AGPAT5: variants seen among roughly 807,000 people sequenced by gnomAD.
The protein encoded by AGPAT5 is 1-acyl-sn-glycerol-3-phosphate acyltransferase epsilon.
A neutral mutation model predicts 45.6 loss-of-function variants in AGPAT5; 46 were observed. The ratio of observed to expected loss-of-function variants is 1.01; its 90% CI spans 0.80 to 1.29. The LOEUF is 1.29. AGPAT5 is among the 50% of genes most tolerant of loss of function. The probability of loss-of-function intolerance (pLI) is 0.00; values close to 1 mark genes in which losing one functional copy is unlikely to be tolerated. For missense variants in AGPAT5, 673 were observed against 450.7 expected, an observed-to-expected ratio of 1.49 and a Z score of -4.47; for synonymous variants, 272 against 167.0, an observed-to-expected ratio of 1.63 and a Z score of -4.85.
At chr8:6,737,086 C>T (rs746124265) in intron 4 of AGPAT5, among the ~76,000 whole-genome samples, 2 of 152,190 alleles carry the variant, frequency 1.3e-5, no homozygotes, top group Non-Finnish European at 2.9e-5. Flanking sequence ...TTATGGGCTA[C>T]GAGAATAGCC....
chr8:6,722,141 G>T (rs191030663), intron 1 of AGPAT5, among the ~76,000 whole-genome samples: 2 of 152,268 alleles, frequency 1.3e-5, no homozygotes, highest in East Asian at 3.9e-4. Context: ...TGCTATGCAG[G>T]TTTATTTTGC....
chr8:6,759,569 A>T lies in AGPAT5; in HGVS notation c.*2181A>T, dbSNP rs1436379194. ...ACAGCTTAGTTATTAATTTTTCTTTATAAGAATGCCGTCGATGTGCATGCT... is the reference window on the plus strand; with the variant it reads ...ACAGCTTAGTTATTAATTTTTCTTTTTAAGAATGCCGTCGATGTGCATGCT... On this transcript the variant is annotated 3_prime_UTR_variant, in exon 8 of 8. Coordinates refer to ENST00000285518, the MANE Select transcript of AGPAT5 (RefSeq NM_018361.5). 6.6e-6 allele frequency: 1 copy of T among 152,146 alleles called. No individual in the cohort carries two copies. The highest frequency in any genetic ancestry group is 1.5e-5 in the Non-Finnish European group (1 of 68,022). The allele number at this position is 152,146 out of a possible 1,614,324, so 9.4% of individuals were successfully genotyped here.
At chr8:6,752,590 A>G (rs1801690253) in intron 6 of AGPAT5, among the ~76,000 whole-genome samples, 1 of 152,196 alleles carries the variant, frequency 6.6e-6, no homozygotes, top group African/African-American at 2.4e-5. Flanking sequence ...TTTTGCAGCA[A>G]GTAGACCTGT....
intron 6 of AGPAT5, among the ~76,000 whole-genome samples, chr8:6,749,886 C>T (rs1460257924): frequency 6.6e-6 from 1 of 152,244 alleles, no homozygotes; most frequent in Non-Finnish European, 1.5e-5. Flanking sequence ...GTAAGGCCAG[C>T]CTCTGTTGCC....
chr8:6,755,058 C>T lies in AGPAT5; in HGVS notation c.753C>T (p.Leu251=). 6.3e-7 allele frequency: 1 copy of T among 1,583,918 alleles called. No homozygotes were observed. Among genetic ancestry groups the T allele is most frequent in the Non-Finnish European group, 8.6e-7 (1 of 1,168,372 alleles). ...RRESPTMTEF[L]CKECPKIHIH... is the part of the protein sequence containing the mutation. ...ATTTTTGTTCTTTGTTAGAATTTCT[C>T]TGCAAAGAATGTCCAAAAATTCATA... Residue 251 remains leucine, a synonymous_variant, in exon 7 of 8, where the codon CTC becomes CTT. Coordinates refer to ENST00000285518, the MANE Select transcript of AGPAT5 (RefSeq NM_018361.5).
chr8:6,724,510 C>T (rs1037407253), intron 1 of AGPAT5, among the ~76,000 whole-genome samples: 3 of 152,198 alleles, frequency 2.0e-5, no homozygotes, highest in African/African-American at 7.2e-5. Context: ...TGTCTCATTA[C>T]AGTTCCTGTG....
At chr8:6,722,706 G>A (rs989539657) in intron 1 of AGPAT5, among the ~76,000 whole-genome samples, 4 of 152,232 alleles carry the variant, frequency 2.6e-5, no homozygotes, top group Non-Finnish European at 2.9e-5. Flanking sequence ...CTGAAAGCCA[G>A]TGTGTGCAAG....
intron 1 of AGPAT5, among the ~76,000 whole-genome samples, chr8:6,721,799 T>G (rs1246499205): frequency 2.0e-5 from 3 of 152,110 alleles, no homozygotes; most frequent in Non-Finnish European, 4.4e-5. Context: ...GCATACACAT[T>G]TTTTTGACGT....
intron 1 of AGPAT5, 129 bp downstream of exon 1, chr8:6,709,016 C>T (rs1200683094): frequency 2.1e-5 from 18 of 857,250 alleles, no homozygotes; most frequent in Non-Finnish European, 3.2e-5. Context: ...GAGCACGTGC[C>T]GCCTCCCCGC....
rs1397643709 is a variant in AGPAT5 at position 6,759,319 on chromosome 8, C to G, written c.*1931C>G. The G allele has an allele frequency of 2.0e-5, 3 of 152,132 alleles. No individual in the cohort carries two copies. Among genetic ancestry groups the G allele is most frequent in the Non-Finnish European group, 2.9e-5 (2 of 68,028 alleles). The allele number at this position is 152,132 out of a possible 1,614,324, so 9.4% of individuals were successfully genotyped here. A position where few individuals can be genotyped will look rare whatever the true frequency, so the allele number is the denominator to read the frequency against. On this transcript the variant is annotated 3_prime_UTR_variant, in exon 8 of 8. Transcript: ENST00000285518. ...CAAGGTAGCCTGACCTGCATAAGAT[C>G]ACTTGAATGTTAGGTTTCATAGAAC...
At chr8:6,752,910 G>T (rs577161387) in intron 6 of AGPAT5, among the ~76,000 whole-genome samples, 3 of 152,058 alleles carry the variant, frequency 2.0e-5, no homozygotes, top group Non-Finnish European at 4.4e-5. Flanking sequence ...CCACTTTGTC[G>T]CATGCTCCTC....
At position 6,758,396 on chromosome 8, in the gene AGPAT5, T is replaced by C. The variant is rs896299121; in HGVS notation, c.*1008T>C. The C allele has an allele frequency of 2.6e-5, 4 of 152,694 alleles. No individual in the cohort carries two copies. Among genetic ancestry groups the C allele is most frequent in the Non-Finnish European group, 4.4e-5 (3 of 68,060 alleles). 9.5% of individuals were successfully genotyped at this position (152,694 alleles called of 1,614,324 possible). ...TTTCTGTAGTGTGGTGGATTCCCAC[T>C]GGGCTCTGGTCCTTCCCTTGGATCC... On this transcript the variant is annotated 3_prime_UTR_variant, in exon 8 of 8. Transcript: ENST00000285518.
chr8:6,732,177 A>AGTATT (rs10646552), intron 3 of AGPAT5, among the ~76,000 whole-genome samples: 113,733 of 151,450 alleles, frequency 0.75, 43,834 homozygotes, highest in African/African-American at 0.93. Context: ...AAAGATCGTG[A>AGTATT]GACATGTTAA....
chr8:6,759,225 G>C lies in AGPAT5; in HGVS notation c.*1837G>C, dbSNP rs1487228325. The C allele has an allele frequency of 6.6e-6, 1 of 152,100 alleles. No homozygotes were observed. Among genetic ancestry groups the C allele is most frequent in the African/African-American group, 2.4e-5 (1 of 41,410 alleles). The allele number at this position is 152,100 out of a possible 1,614,324, so 9.4% of individuals were successfully genotyped here. ...GGATTTAATATATTTTGAATATAAT[G>C]GGTATGTTCTAAATTTGAACTTTGA... is the stretch of plus-strand genomic sequence containing the variant. On this transcript the variant is annotated 3_prime_UTR_variant, in exon 8 of 8. Coordinates refer to ENST00000285518, the MANE Select transcript of AGPAT5 (RefSeq NM_018361.5).
At chr8:6,747,173 G>A (rs59852951) in intron 5 of AGPAT5, among the ~76,000 whole-genome samples, 3,610 of 152,300 alleles carry the variant, frequency 0.024, 144 homozygotes, top group African/African-American at 0.082. Context: ...TGTTCACACA[G>A]TGGAATACTA....
intron 2 of AGPAT5, among the ~76,000 whole-genome samples, chr8:6,726,057 A>G (rs1800676492): frequency 1.3e-5 from 2 of 152,264 alleles, no homozygotes; most frequent in South Asian, 4.1e-4. Flanking sequence ...ATCTTGATGT[A>G]TCTGAGTATT....
In AGPAT5 at chr8:6,708,726, G is replaced by C; in HGVS notation, c.58G>C (p.Val20Leu). 2 of 1,606,980 alleles carry C rather than the reference G, an allele frequency of 1.2e-6. No homozygotes were observed. Among genetic ancestry groups the C allele is most frequent in the Non-Finnish European group, 1.7e-6 (2 of 1,179,636 alleles). The part of the protein sequence containing the change: ...YSMRYLLPSV[V>L]LLGTAPTYVL... The stretch of plus-strand genomic sequence containing the variant: ...CATGCGCTACCTGCTGCCCAGCGTC[G>C]TGCTCCTGGGCACGGCGCCCACCTA... Residue 20 changes from valine to leucine, a missense_variant, in exon 1 of 8, where the codon GTG becomes CTG. By Grantham distance (32) the Val-to-Leu change is conservative. Transcript: ENST00000285518.
chr8:6,736,004 C>A (rs2116912934), intron 4 of AGPAT5, among the ~76,000 whole-genome samples: 1 of 152,106 alleles, frequency 6.6e-6, no homozygotes, highest in Non-Finnish European at 1.5e-5. Context: ...CAGGCGTGCA[C>A]CGCCATGCCC....
chr8:6,738,739 C>G (rs1801139937), intron 4 of AGPAT5, among the ~76,000 whole-genome samples: 2 of 152,118 alleles, frequency 1.3e-5, no homozygotes, highest in South Asian at 4.1e-4. Flanking sequence ...TTACCTTTTC[C>G]TATTTGTGAA....
Sources: gnomAD v4.1 joint callset for allele counts (sites outside exome capture counted in the v4.1 genomes callset) on GRCh38, gnomAD v4.1.1 for gene constraint, MANE v1.5 for transcripts, NCBI Gene and HGNC (gene_info 2026-07-23, HGNC 2026-07-21) for gene names.